Variants in HDAC8 observed in about 807,000 individuals in gnomAD.
The protein encoded by HDAC8 is histone deacetylase 8, also known as histone deacetylase-like 1.
Under a neutral mutation model 32.2 loss-of-function variants are expected in HDAC8, and 1 was observed. That is an observed-to-expected ratio of 0.03 (90% CI 0.01 to 0.15). The LOEUF (loss-of-function observed/expected upper bound fraction) is 0.15. Ranked by LOEUF, HDAC8 falls within the 10% of genes least tolerant of loss-of-function variation. The pLI, the probability that HDAC8 is intolerant of heterozygous loss-of-function variation, is 1.00. For synonymous variants in HDAC8, 108 were observed against 113.9 expected, an observed-to-expected ratio of 0.95 and a Z score of 0.33; for missense variants, 117 against 300.0, an observed-to-expected ratio of 0.39 and a Z score of 4.51.
intron 4 of HDAC8, among the ~76,000 whole-genome samples, chrX:72,533,905 C>T (rs933619430): frequency 9.0e-6 from 1 of 111,121 alleles, no homozygotes; most frequent in African/African-American, 3.3e-5. Flanking sequence ...ATCATACTGC[C>T]TGGTGAAAGA....
chrX:72,491,625 C>T (rs1420249152), intron 5 of HDAC8, among the ~76,000 whole-genome samples: 1 of 111,959 alleles, frequency 8.9e-6, no homozygotes, highest in African/African-American at 3.2e-5. Context: ...ACCTTGTCTC[C>T]TAATAGCAGC....
intron 9 of HDAC8, among the ~76,000 whole-genome samples, chrX:72,372,016 T>TG (rs782074550): frequency 1.1e-3 from 119 of 111,426 alleles, no homozygotes; most frequent in South Asian, 2.3e-3. Context: ...GAATGGCACT[T>TG]GGGCCCTTAG....
chrX:72,334,210 A>G (rs1341476054), intron 10 of HDAC8, among the ~76,000 whole-genome samples: 1 of 111,795 alleles, frequency 8.9e-6, no homozygotes, highest in Non-Finnish European at 1.9e-5. Flanking sequence ...GCCTAGGGAG[A>G]CAAGAAGTTC....
intron 5 of HDAC8, among the ~76,000 whole-genome samples, chrX:72,491,309 A>G (rs1214629542): frequency 8.9e-6 from 1 of 111,816 alleles, no homozygotes; most frequent in Non-Finnish European, 1.9e-5. Context: ...AACCTGTTCT[A>G]AAAAGTAGGG....
At chrX:72,572,599 G>GGCCC in intron 1 of HDAC8, 52 bp downstream of exon 1, 2 of 453,095 alleles carry the variant, frequency 4.4e-6, no homozygotes, top group Non-Finnish European at 6.6e-6. Flanking sequence ...TTCGTCCACC[G>GGCCC]CCCCCACCCC....
intron 9 of HDAC8, among the ~76,000 whole-genome samples, chrX:72,442,023 T>C (rs2047169277): frequency 9.0e-6 from 1 of 110,564 alleles, no homozygotes; most frequent in African/African-American, 3.3e-5. Flanking sequence ...CTCCAAGAAA[T>C]ATGGGACTAT....
intron 4 of HDAC8, among the ~76,000 whole-genome samples, chrX:72,504,196 ATTATT>A (rs1339832725): frequency 1.8e-5 from 2 of 112,033 alleles, no homozygotes; most frequent in African/African-American, 6.5e-5. Context: ...CATAAAATTA[ATTATT>A]TTAAAGTGTA....
intron 9 of HDAC8, among the ~76,000 whole-genome samples, chrX:72,442,464 C>A (rs1263812824): frequency 3.6e-5 from 4 of 111,413 alleles, no homozygotes; most frequent in South Asian, 3.7e-4. Flanking sequence ...GAAACAAAAT[C>A]CTTTACAGAC....
intron 4 of HDAC8, among the ~76,000 whole-genome samples, chrX:72,565,202 G>A (rs1213269073): frequency 8.9e-6 from 1 of 112,434 alleles, no homozygotes; most frequent in African/African-American, 3.2e-5. Context: ...TGTAGTAGGT[G>A]CCTAATCAAT....
At chrX:72,331,613 A>G (rs1354633788) in intron 10 of HDAC8, among the ~76,000 whole-genome samples, 1 of 108,393 alleles carries the variant, frequency 9.2e-6, no homozygotes, top group Non-Finnish European at 1.9e-5. Context: ...TAAAATAATT[A>G]TAGAATAACA....
At chrX:72,330,397 T>A (rs782393253) in intron 10 of HDAC8, among the ~76,000 whole-genome samples, 1 of 111,734 alleles carries the variant, frequency 8.9e-6, no homozygotes, top group East Asian at 2.8e-4. Flanking sequence ...CTCAGCTCAA[T>A]TGCCAATCTA....
chrX:72,378,886 T>A (rs1427594474), intron 9 of HDAC8, among the ~76,000 whole-genome samples: 1 of 108,873 alleles, frequency 9.2e-6, no homozygotes, highest in Non-Finnish European at 1.9e-5. Flanking sequence ...TTTTTTGAGA[T>A]CAGTCTTGTC....
chrX:72,565,951 A>G (rs1358609168), intron 4 of HDAC8, among the ~76,000 whole-genome samples: 1 of 110,962 alleles, frequency 9.0e-6, no homozygotes, highest in Non-Finnish European at 1.9e-5. Flanking sequence ...ATTTGAGACC[A>G]GCCTGGGCAA....
At chrX:72,411,030 C>CTTT (rs5902707) in intron 9 of HDAC8, among the ~76,000 whole-genome samples, 7 of 83,546 alleles carry the variant, frequency 8.4e-5, no homozygotes, top group African/African-American at 2.0e-4. Flanking sequence ...TTCTTTCTTT[C>CTTT]TTTTTTTTTT....
chrX:72,559,759 G>A (rs781803158), intron 4 of HDAC8, among the ~76,000 whole-genome samples: 12 of 107,746 alleles, frequency 1.1e-4, no homozygotes, highest in African/African-American at 3.4e-4. Flanking sequence ...CTGCCCGGCC[G>A]CCCCGTCTGA....
rs781966147 is a variant in HDAC8 at position 72,426,204 on chromosome X, G to A, written c.1005+35800C>T. On this transcript the variant is annotated intron_variant, in intron 9 of 10. Transcript: ENST00000373573. ...ACTGGAATGGCGAAGAGGAAGTTGA[G>A]GTGAGGATACATTTAGTTTGGGTTT... is the stretch of plus-strand genomic sequence containing the variant. Among the ~76,000 whole-genome samples the A allele has an allele frequency of 5.3e-5, 6 of 112,356 alleles. No individual in the cohort carries two copies. In the South Asian group the frequency reaches 2.2e-3, roughly 42 times the overall value.
intron 9 of HDAC8, among the ~76,000 whole-genome samples, chrX:72,395,834 GT>G (rs782283736): frequency 3.6e-5 from 4 of 112,022 alleles, no homozygotes; most frequent in Non-Finnish European, 7.5e-5. Flanking sequence ...ACGTGGGTTT[GT>G]TTTTCTATAC....
intron 9 of HDAC8, among the ~76,000 whole-genome samples, chrX:72,421,628 T>C (rs1215092722): frequency 8.9e-6 from 1 of 112,663 alleles, no homozygotes; most frequent in African/African-American, 3.2e-5. Context: ...CCCAGTAACA[T>C]AGATTTATAA....
intron 10 of HDAC8, among the ~76,000 whole-genome samples, chrX:72,340,088 A>G (rs2043847199): frequency 8.9e-6 from 1 of 112,174 alleles, no homozygotes; most frequent in Non-Finnish European, 1.9e-5. Context: ...TTCTCAAGGC[A>G]CTACTGCAGT....
Sources: gnomAD v4.1 joint callset for allele counts (sites outside exome capture counted in the v4.1 genomes callset) on GRCh38, gnomAD v4.1.1 for gene constraint, MANE v1.5 for transcripts, NCBI Gene and HGNC (gene_info 2026-07-23, HGNC 2026-07-21) for gene names.